RPL23: variants seen among roughly 807,000 people sequenced by gnomAD.
The protein encoded by RPL23 is ribosomal protein L23.
For synonymous variants in RPL23, 63 were observed against 65.3 expected, an observed-to-expected ratio of 0.97 and a Z score of 0.17; for missense variants, 79 against 178.8, an observed-to-expected ratio of 0.44 and a Z score of 3.18.
Position 38,847,929 on chromosome 17 carries a change from A to G in RPL23, c.*2203T>C. ...TCCAAAGAATAAAATGTGAGGTGGG[A>G]TGCAGTGGCTCACACTTGTAATTGC... On this transcript the variant is annotated 3_prime_UTR_variant, in exon 5 of 5. Transcript: ENST00000479035. 6.5e-7 allele frequency: 1 copy of G among 1,529,960 alleles called. No homozygotes were observed. Among genetic ancestry groups the G allele is most frequent in the Non-Finnish European group, 8.8e-7 (1 of 1,139,874 alleles). The allele number at this position is 1,529,960 out of a possible 1,614,324, so 94.8% of individuals were successfully genotyped here.
rs1015902918 is a variant in RPL23, at chr17:38,853,683, G to A, written c.13+15C>T. ...ACGACAGATGGTGGAGGATCCTCCA[G>A]AAACAAAACCTCACCTCGCTTCGAC... On this transcript the variant is annotated intron_variant, in intron 1 of 4. Transcript: ENST00000479035. 4.3e-6 allele frequency: 7 copies of A among 1,614,036 alleles called. No individual in the cohort carries two copies. In the African/African-American group the frequency reaches 9.3e-5, roughly 22 times the overall value.
chr17:38,850,337 G>A (rs746253447), intron 4 of RPL23, 25 bp downstream of exon 4: 49 of 1,599,062 alleles, frequency 3.1e-5, no homozygotes, highest in Non-Finnish European at 4.2e-5. Context: ...AGAGACCTAA[G>A]GAACAAGCTG....
At chr17:38,852,960 T>C in intron 2 of RPL23, 62 bp downstream of exon 2, 1 of 1,497,932 alleles carries the variant, frequency 6.7e-7, no homozygotes, top group African/African-American at 1.4e-5. Context: ...CAATAGGTCA[T>C]TAGCCACAGG....
At chr17:38,851,242 A>T (rs1158868348) in intron 3 of RPL23, 1 of 152,196 alleles carries the variant, frequency 6.6e-6, no homozygotes, top group Non-Finnish European at 1.5e-5. Context: ...TTATGACAGG[A>T]AGACTACACA....
At position 38,848,867 on chromosome 17, in the gene RPL23, A is replaced by C. The variant is rs1262362826; in HGVS notation, c.*1265T>G. ...TTTGCAGATACAGATACATAAACAC[A>C]AACCTTAATCTAAAAACCCTGTTTA... On this transcript the variant is annotated 3_prime_UTR_variant, in exon 5 of 5. Coordinates refer to ENST00000479035, the MANE Select transcript of RPL23 (RefSeq NM_000978.4). 1 of 152,186 alleles carries C rather than the reference A, an allele frequency of 6.6e-6. No homozygotes were observed. Among genetic ancestry groups the C allele is most frequent in the African/African-American group, 2.4e-5 (1 of 41,456 alleles). The allele number at this position is 152,186 out of a possible 1,614,324, so 9.4% of individuals were successfully genotyped here. A position where few individuals can be genotyped will look rare whatever the true frequency, so the allele number is the denominator to read the frequency against.
In RPL23 at chr17:38,853,687, CA is replaced by C; in HGVS notation, c.13+10del. The C allele has an allele frequency of 6.2e-7, 1 of 1,614,176 alleles. No individual in the cohort carries two copies. The highest frequency in any genetic ancestry group is 8.5e-7 in the Non-Finnish European group (1 of 1,180,040). ...CAGATGGTGGAGGATCCTCCAGAAA[CA>C]AAACCTCACCTCGCTTCGACATCTT... On this transcript the variant is annotated intron_variant, in intron 1 of 4. Coordinates refer to ENST00000479035, the MANE Select transcript of RPL23 (RefSeq NM_000978.4).
Position 38,848,230 on chromosome 17 carries a change from T to A in RPL23, c.*1902A>T. 1 of 726,702 alleles carries A rather than the reference T, an allele frequency of 1.4e-6. No individual in the cohort carries two copies. The highest frequency in any genetic ancestry group is 1.9e-6 in the Non-Finnish European group (1 of 522,226). 45.0% of individuals were successfully genotyped at this position (726,702 alleles called of 1,614,324 possible). On this transcript the variant is annotated 3_prime_UTR_variant, in exon 5 of 5. Transcript: ENST00000479035. ...ATGTTATGGTGTAACTCTCTAAAAC[T>A]AGAGATTTAATACATTTTTTTTCTT... is the stretch of plus-strand genomic sequence containing the variant.
intron 1 of RPL23, 124 bp downstream of exon 1, chr17:38,853,574 T>C: frequency 1.6e-6 from 2 of 1,229,066 alleles, no homozygotes; most frequent in Non-Finnish European, 1.2e-6. Context: ...CGCGGTGGCC[T>C]GGCTCTCTCT....
At chr17:38,850,502 C>CATT (rs1567686420) in intron 3 of RPL23, 27 bp from the exon 4 acceptor site, 1 of 1,525,732 alleles carries the variant, frequency 6.6e-7, no homozygotes. Context: ...GGACAGCAGT[C>CATT]ATTAACCTGT....
chr17:38,848,083 A>T lies in RPL23; in HGVS notation c.*2049T>A. On this transcript the variant is annotated 3_prime_UTR_variant, in exon 5 of 5. Transcript: ENST00000479035. ...CTGCCTCAGAAAAGATAACATTCAA[A>T]AACAGCAGCGATTAGTGGTTAATAT... is the stretch of plus-strand genomic sequence containing the variant. 1 of 1,528,782 alleles carries T rather than the reference A, an allele frequency of 6.5e-7. No individual in the cohort carries two copies. Among genetic ancestry groups the T allele is most frequent in the Non-Finnish European group, 8.8e-7 (1 of 1,139,416 alleles). The allele number at this position is 1,528,782 out of a possible 1,614,324, so 94.7% of individuals were successfully genotyped here. A position where few individuals can be genotyped will look rare whatever the true frequency, so the allele number is the denominator to read the frequency against.
Position 38,847,955 on chromosome 17 carries a change from A to G in RPL23, c.*2177T>C. The G allele has an allele frequency of 6.5e-7, 1 of 1,547,664 alleles. No homozygotes were observed. The highest frequency in any genetic ancestry group is 1.4e-5 in the African/African-American group (1 of 73,008). ...TGCAGTGGCTCACACTTGTAATTGC[A>G]GCCCTTTGAAGGCCACAGCAGGAGG... On this transcript the variant is annotated 3_prime_UTR_variant, in exon 5 of 5. Coordinates refer to ENST00000479035, the MANE Select transcript of RPL23 (RefSeq NM_000978.4).
chr17:38,853,578 T>TCTCTCTCTCCGGC (rs745321847), intron 1 of RPL23, 120 bp downstream of exon 1: 53 of 1,260,504 alleles, frequency 4.2e-5, no homozygotes, highest in Non-Finnish European at 4.6e-5. Context: ...GTGGCCTGGC[T>TCTCTCTCTCCGGC]CTCTCTCTCC....
intron 3 of RPL23, 66 bp from the exon 4 acceptor site, chr17:38,850,541 T>C (rs914020547): frequency 9.8e-7 from 1 of 1,025,622 alleles, no homozygotes; most frequent in African/African-American, 1.6e-5. Flanking sequence ...CAAAAGCAGT[T>C]TCCAACTAGA....
rs368570213 is a variant in RPL23, at chr17:38,853,011, A to G, written c.97+11T>C. The G allele has an allele frequency of 6.2e-7, 1 of 1,613,460 alleles. No homozygotes were observed. Among genetic ancestry groups the G allele is most frequent in the Non-Finnish European group, 8.5e-7 (1 of 1,179,376 alleles). ...TAAAAGGGGGAGTATAGCAACGTGC[A>G]AAGACCTCACCTGTGTTGTCAGCAC... On this transcript the variant is annotated intron_variant, in intron 2 of 4. Coordinates refer to ENST00000479035, the MANE Select transcript of RPL23 (RefSeq NM_000978.4).
rs1169532341 is a variant in RPL23, at chr17:38,853,694, T to G, written c.13+4A>C. The stretch of plus-strand genomic sequence containing the variant: ...TGGAGGATCCTCCAGAAACAAAACC[T>G]CACCTCGCTTCGACATCTTGAACGC... On this transcript the variant is annotated splice_donor_region_variant and intron_variant, in intron 1 of 4. Transcript: ENST00000479035. The G allele has an allele frequency of 6.2e-7, 1 of 1,613,758 alleles. No individual in the cohort carries two copies. The highest frequency in any genetic ancestry group is 8.5e-7 in the Non-Finnish European group (1 of 1,179,958).
In RPL23 at chr17:38,851,531, C is replaced by G. The variant is rs1373589966; in HGVS notation, c.227-1056G>C. On this transcript the variant is annotated intron_variant, in intron 3 of 4. Transcript: ENST00000479035. ...GAAGTGTTCGGAGCTCTGGTCTGTC[C>G]CACCACTGACTGAGACCAACAATCC... The G allele has an allele frequency of 2.0e-5, 3 of 152,156 alleles. No homozygotes were observed. In the East Asian group the frequency reaches 5.8e-4, roughly 29 times the overall value. 9.4% of individuals were successfully genotyped at this position (152,156 alleles called of 1,614,324 possible). A position where few individuals can be genotyped will look rare whatever the true frequency, so the allele number is the denominator to read the frequency against.
chr17:38,850,237 A>T (rs1410520384), intron 4 of RPL23, 23 bp from the exon 5 acceptor site: 2 of 1,570,586 alleles, frequency 1.3e-6, no homozygotes. Flanking sequence ...AATAAAATAA[A>T]ATAAAATAAA....
rs1381197300 is a variant in RPL23, at chr17:38,849,021, T to TTA, written c.*1109_*1110dup. Reference sequence around the variant, plus strand: ...ACCTCCTACCTTAAGGCCAAGTCCCTTATTATCAGCGCTTTATGCCTGTTC... The same window carrying TTA: ...ACCTCCTACCTTAAGGCCAAGTCCCTTATATTATCAGCGCTTTATGCCTGTTC... On this transcript the variant is annotated 3_prime_UTR_variant, in exon 5 of 5. Transcript: ENST00000479035. 6.6e-6 allele frequency: 1 copy of TTA among 152,204 alleles called. No individual in the cohort carries two copies. The highest frequency in any genetic ancestry group is 1.5e-5 in the Non-Finnish European group (1 of 68,034). 9.4% of individuals were successfully genotyped at this position (152,204 alleles called of 1,614,324 possible). A position where few individuals can be genotyped will look rare whatever the true frequency, so the allele number is the denominator to read the frequency against.
Position 38,848,316 on chromosome 17 carries a change from GCAACCTC to G in RPL23, c.*1809_*1815del, listed in dbSNP as rs1312383174. On this transcript the variant is annotated 3_prime_UTR_variant, in exon 5 of 5. Transcript: ENST00000479035. ...CACAATCGTGCGACCTCAGCTCACT[GCAACCTC>G]CATCTCCGGGGTTCAAGCAATTCTC... The G allele has an allele frequency of 1.1e-5, 3 of 263,844 alleles. No individual in the cohort carries two copies. Among genetic ancestry groups the G allele is most frequent in the African/African-American group, 6.7e-5 (3 of 45,016 alleles). The allele number at this position is 263,844 out of a possible 1,614,324, so 16.3% of individuals were successfully genotyped here.
Sources: gnomAD v4.1 joint callset for allele counts on GRCh38, gnomAD v4.1.1 for gene constraint, MANE v1.5 for transcripts, NCBI Gene and HGNC (gene_info 2026-07-23, HGNC 2026-07-21) for gene names.